The following NELL1 variants were observed in gnomAD, a reference collection of about 807,000 sequenced individuals.
The protein encoded by NELL1 is protein kinase C-binding protein NELL1.
Under a neutral mutation model 107.4 loss-of-function variants are expected in NELL1, and 76 were observed. That is an observed-to-expected ratio of 0.71 (90% CI 0.59 to 0.86). The LOEUF is 0.86. Ranked by LOEUF, NELL1 falls within the 40% of genes least tolerant of loss-of-function variation. NELL1 has a pLI of 0.00. For synonymous variants in NELL1, 353 were observed against 341.2 expected, an observed-to-expected ratio of 1.03 and a Z score of -0.38; for missense variants, 1,024 against 1,005.5, an observed-to-expected ratio of 1.02 and a Z score of -0.25.
chr11:21,307,626 G>A (rs768433090), intron 14 of NELL1, among the ~76,000 whole-genome samples: 2 of 151,972 alleles, frequency 1.3e-5, no homozygotes, highest in African/African-American at 2.4e-5. Context: ...CTGCCCAATG[G>A]AGTAGAGATC....
At chr11:21,460,352 A>G (rs922218811) in intron 15 of NELL1, among the ~76,000 whole-genome samples, 6 of 152,104 alleles carry the variant, frequency 3.9e-5, no homozygotes, top group Non-Finnish European at 8.8e-5. Flanking sequence ...AGCCCTAAGC[A>G]GTCTGAGAAC....
At chr11:21,369,520 T>A (rs1851309675) in intron 14 of NELL1, among the ~76,000 whole-genome samples, 1 of 151,058 alleles carries the variant, frequency 6.6e-6, no homozygotes, top group Non-Finnish European at 1.5e-5. Context: ...TCAAGGGATA[T>A]TAAATAATGT....
At chr11:20,929,037 G>A (rs117340973) in intron 9 of NELL1, among the ~76,000 whole-genome samples, 1 of 152,316 alleles carries the variant, frequency 6.6e-6, no homozygotes, top group East Asian at 1.9e-4. Flanking sequence ...AATTCTCACA[G>A]CAACTCTTTA....
At chr11:20,782,313 G>C (rs1357294752) in intron 2 of NELL1, among the ~76,000 whole-genome samples, 1 of 152,186 alleles carries the variant, frequency 6.6e-6, no homozygotes, top group Non-Finnish European at 1.5e-5. Context: ...TGGTAGACTG[G>C]TCTGCCTGGG....
At chr11:21,297,216 T>C (rs1056475218) in intron 14 of NELL1, among the ~76,000 whole-genome samples, 23 of 151,874 alleles carry the variant, frequency 1.5e-4, no homozygotes, top group African/African-American at 5.6e-4. Context: ...TGGAAAGAAA[T>C]GCAAAGGAAT....
At chr11:21,004,274 C>A (rs1434403125) in intron 12 of NELL1, among the ~76,000 whole-genome samples, 1 of 152,016 alleles carries the variant, frequency 6.6e-6, no homozygotes, top group Non-Finnish European at 1.5e-5. Context: ...GTTCAAAATG[C>A]AGTAATTGAA....
intron 14 of NELL1, among the ~76,000 whole-genome samples, chr11:21,256,924 C>A (rs1858784420): frequency 6.6e-6 from 1 of 152,010 alleles, no homozygotes; most frequent in African/African-American, 2.4e-5. Context: ...TGGGTTACAG[C>A]TGTGCACAGC....
intron 15 of NELL1, among the ~76,000 whole-genome samples, chr11:21,514,800 T>G (rs1317386592): frequency 6.6e-6 from 1 of 151,532 alleles, no homozygotes; most frequent in Admixed American, 6.6e-5. Context: ...AAGCCCTGCC[T>G]TATGGATTGA....
At chr11:21,291,196 A>C (rs1849251580) in intron 14 of NELL1, among the ~76,000 whole-genome samples, 1 of 152,206 alleles carries the variant, frequency 6.6e-6, no homozygotes, top group South Asian at 2.1e-4. Context: ...TGTGAAGCAC[A>C]CACAAGTATC....
At chr11:21,145,093 TAGTC>T in intron 13 of NELL1, among the ~76,000 whole-genome samples, 1 of 152,176 alleles carries the variant, frequency 6.6e-6, no homozygotes, top group South Asian at 2.1e-4. Flanking sequence ...GCCAGGTACA[TAGTC>T]AGTGCTATAT....
chr11:21,453,544 A>G (rs1853640534), intron 15 of NELL1, among the ~76,000 whole-genome samples: 1 of 152,076 alleles, frequency 6.6e-6, no homozygotes, highest in South Asian at 2.1e-4. Flanking sequence ...CTTAAATGGC[A>G]TGTAATTAGG....
chr11:21,262,678 T>G (rs1462819703), intron 14 of NELL1: 4 of 89,512 alleles, frequency 4.5e-5, no homozygotes, highest in Non-Finnish European at 9.7e-5. Flanking sequence ...CTATTCTGAC[T>G]TTTTATCTTT....
At position 20,913,973 on chromosome 11, in the gene NELL1, T is replaced by C. The variant is rs188312896; in HGVS notation, c.604-4209T>C. On this transcript the variant is annotated intron_variant, in intron 5 of 19. Coordinates refer to ENST00000357134, the MANE Select transcript of NELL1 (RefSeq NM_006157.5). Reference sequence around the variant, plus strand: ...GTTTTGCATGTTTGATTGGTATCTATCTATTAAGGCAATCAAGATAAAATC... The same window carrying C: ...GTTTTGCATGTTTGATTGGTATCTACCTATTAAGGCAATCAAGATAAAATC... Among the ~76,000 whole-genome samples, 82 of 152,218 alleles carry C rather than the reference T, an allele frequency of 5.4e-4. 1 individual carries two copies. Among genetic ancestry groups the C allele is most frequent in the Middle Eastern group, 3.4e-3 (1 of 294 alleles).
At chr11:20,847,461 C>T (rs1047402563) in intron 3 of NELL1, 122 bp from the exon 4 acceptor site, 1 of 1,022,420 alleles carries the variant, frequency 9.8e-7, no homozygotes, top group Admixed American at 2.8e-5. Context: ...GGTCTTGGCT[C>T]TTTGTGCCAT....
At chr11:20,968,190 G>A (rs1851423539) in intron 12 of NELL1, among the ~76,000 whole-genome samples, 1 of 152,126 alleles carries the variant, frequency 6.6e-6, no homozygotes, top group African/African-American at 2.4e-5. Flanking sequence ...CTTATTCTTT[G>A]AAATTGTGTT....
intron 15 of NELL1, among the ~76,000 whole-genome samples, chr11:21,513,759 CTCTTA>C (rs1185870434): frequency 6.6e-6 from 1 of 152,136 alleles, no homozygotes; most frequent in Non-Finnish European, 1.5e-5. Context: ...GCGATTATTT[CTCTTA>C]TTTTAGTGAT....
intron 5 of NELL1, among the ~76,000 whole-genome samples, chr11:20,914,723 TTAG>T (rs1444782487): frequency 2.0e-5 from 3 of 151,982 alleles, no homozygotes; most frequent in African/African-American, 7.2e-5. Context: ...TTTTCAAGAG[TTAG>T]TAGCCCTGTA....
In NELL1 at chr11:21,277,491, C is replaced by T. The variant is rs987170653; in HGVS notation, c.1549+48037C>T. Reference sequence around the variant, plus strand: ...TCAACCATTGTGGAAGTCAGTGTGGCGATTCCTCAGGGATCTAGAACTAGA... The same window carrying T: ...TCAACCATTGTGGAAGTCAGTGTGGTGATTCCTCAGGGATCTAGAACTAGA... On this transcript the variant is annotated intron_variant, in intron 14 of 19. Transcript: ENST00000357134. Among the ~76,000 whole-genome samples the T allele has an allele frequency of 1.2e-3, 183 of 151,680 alleles. 1 individual carries two copies. Among genetic ancestry groups the T allele is most frequent in the African/African-American group, 4.1e-3 (169 of 41,382 alleles).
chr11:20,889,834 T>G lies in NELL1; in HGVS notation c.603+4294T>G, dbSNP rs576708955. On this transcript the variant is annotated intron_variant, in intron 5 of 19. Coordinates refer to ENST00000357134, the MANE Select transcript of NELL1 (RefSeq NM_006157.5). ...ATTTCCAGTAACTCCAGCCGGAGACTCAGGGACAGAATTCGGATTTCCCTG... is the reference window on the plus strand; with the variant it reads ...ATTTCCAGTAACTCCAGCCGGAGACGCAGGGACAGAATTCGGATTTCCCTG... Among the ~76,000 whole-genome samples, 20 of 152,224 alleles carry G rather than the reference T, an allele frequency of 1.3e-4. No individual in the cohort carries two copies. In the South Asian group the frequency reaches 3.9e-3, roughly 30 times the overall value.
Sources: allele counts gnomAD v4.1 joint callset (sites outside exome capture counted in the v4.1 genomes callset), GRCh38; gene constraint gnomAD v4.1.1; transcripts MANE v1.5; gene names NCBI Gene and HGNC (gene_info 2026-07-23, HGNC 2026-07-21).